NKAIN2: variants seen among roughly 807,000 people sequenced by gnomAD.
The protein encoded by NKAIN2 is sodium/potassium-transporting ATPase subunit beta-1-interacting protein 2.
In NKAIN2, 14 loss-of-function variants were observed where a neutral mutation model predicts 32.6. The ratio of observed to expected loss-of-function variants is 0.43; its 90% CI spans 0.28 to 0.67. NKAIN2 has a LOEUF of 0.67. NKAIN2 is among the 30% of genes least tolerant of loss of function. The pLI, the probability that NKAIN2 is intolerant of heterozygous loss-of-function variation, is 0.17. For synonymous variants in NKAIN2, 80 were observed against 87.2 expected, an observed-to-expected ratio of 0.92 and a Z score of 0.46; for missense variants, 198 against 258.3, an observed-to-expected ratio of 0.77 and a Z score of 1.60.
intron 3 of NKAIN2, among the ~76,000 whole-genome samples, chr6:124,419,565 T>G (rs1774652803): frequency 6.6e-6 from 1 of 152,148 alleles, no homozygotes; most frequent in Admixed American, 6.6e-5. Context: ...ATACAGTGTG[T>G]GTGAGGATAT....
At chr6:123,996,538 C>A (rs565107823) in intron 1 of NKAIN2, among the ~76,000 whole-genome samples, 1 of 152,006 alleles carries the variant, frequency 6.6e-6, no homozygotes, top group African/African-American at 2.4e-5. Flanking sequence ...ATTCTAACTT[C>A]AATACTGAAA....
At chr6:124,366,795 G>T (rs1319573533) in intron 3 of NKAIN2, among the ~76,000 whole-genome samples, 1 of 151,910 alleles carries the variant, frequency 6.6e-6, no homozygotes, top group African/African-American at 2.4e-5. Context: ...AGGCATGGTG[G>T]TTCACACCTG....
chr6:124,314,722 G>A (rs72963870), intron 2 of NKAIN2, among the ~76,000 whole-genome samples: 5,695 of 152,228 alleles, frequency 0.037, 105 homozygotes, highest in Non-Finnish European at 0.042. Flanking sequence ...TAGGACAAGG[G>A]CAATGCCCAG....
intron 1 of NKAIN2, among the ~76,000 whole-genome samples, chr6:124,004,825 C>T (rs567908639): frequency 1.1e-3 from 160 of 147,882 alleles, no homozygotes; most frequent in Non-Finnish European, 1.7e-3. Context: ...CAAACCTGCA[C>T]GTTGTGCACA....
rs544886281 is a variant in NKAIN2, at chr6:124,147,626, A to G, written c.55-135379A>G. ...TCTTCAACAAAAAAAAAGCCCACGA[A>G]AAAACAAAAACAAAAAAACTGAATT... On this transcript the variant is annotated intron_variant, in intron 1 of 6. Coordinates refer to ENST00000368417, the MANE Select transcript of NKAIN2 (RefSeq NM_001040214.3). Among the ~76,000 whole-genome samples, 79 of 152,246 alleles carry G rather than the reference A, an allele frequency of 5.2e-4. 2 individuals carry two copies. In the South Asian group the frequency reaches 0.016, roughly 32 times the overall value.
chr6:123,887,967 A>G (rs986395084), intron 1 of NKAIN2, among the ~76,000 whole-genome samples: 8 of 152,116 alleles, frequency 5.3e-5, no homozygotes, highest in African/African-American at 1.9e-4. Flanking sequence ...TTTGTTTTGT[A>G]CAATGATGAT....
chr6:124,109,102 G>T (rs1785249259), intron 1 of NKAIN2, among the ~76,000 whole-genome samples: 1 of 151,926 alleles, frequency 6.6e-6, no homozygotes, highest in African/African-American at 2.4e-5. Context: ...TATGCCATTG[G>T]AATTTTGATA....
chr6:123,953,368 G>A (rs142869612), intron 1 of NKAIN2, among the ~76,000 whole-genome samples: 11 of 152,216 alleles, frequency 7.2e-5, no homozygotes, highest in African/African-American at 1.7e-4. Flanking sequence ...CAGGTGGCTC[G>A]CTCAGATTTC....
At chr6:124,275,732 T>C (rs1470241162) in intron 1 of NKAIN2, among the ~76,000 whole-genome samples, 2 of 152,122 alleles carry the variant, frequency 1.3e-5, no homozygotes, top group African/African-American at 2.4e-5. Context: ...TAAGAAACAT[T>C]TGAACATCTC....
At chr6:124,191,168 C>CA (rs1380995336) in intron 1 of NKAIN2, among the ~76,000 whole-genome samples, 1 of 152,128 alleles carries the variant, frequency 6.6e-6, no homozygotes, top group Non-Finnish European at 1.5e-5. Context: ...TGCTGATTTA[C>CA]AAAAACGTTT....
Position 124,823,379 on chromosome 6 carries a change from GACACAC to G in NKAIN2, c.*165_*170del, listed in dbSNP as rs3831017. ...ATGCAAAGCCTCTACATACAACACT[GACACAC>G]ACACACACACACACGTGAGCACGCA... On this transcript the variant is annotated 3_prime_UTR_variant, in exon 7 of 7. Coordinates refer to ENST00000368417, the MANE Select transcript of NKAIN2 (RefSeq NM_001040214.3). 1.4e-4 allele frequency: 84 copies of G among 585,208 alleles called. No individual in the cohort carries two copies. The highest frequency in any genetic ancestry group is 1.8e-4 in the South Asian group (9 of 49,190). The allele number at this position is 585,208 out of a possible 1,614,324, so 36.3% of individuals were successfully genotyped here.
At chr6:124,795,259 T>C (rs977591472) in intron 5 of NKAIN2, among the ~76,000 whole-genome samples, 3 of 152,144 alleles carry the variant, frequency 2.0e-5, no homozygotes, top group African/African-American at 7.2e-5. Flanking sequence ...CAAAATGTTC[T>C]TTAAGTCAAC....
At chr6:124,495,342 C>A (rs1778023042) in intron 3 of NKAIN2, among the ~76,000 whole-genome samples, 1 of 152,140 alleles carries the variant, frequency 6.6e-6, no homozygotes, top group African/African-American at 2.4e-5. Context: ...TAAGCTTTTT[C>A]TAATCACAGT....
chr6:123,908,142 A>G (rs1774984084), intron 1 of NKAIN2, among the ~76,000 whole-genome samples: 1 of 152,176 alleles, frequency 6.6e-6, no homozygotes, highest in Non-Finnish European at 1.5e-5. Flanking sequence ...GCAACTTCAT[A>G]ATGAGTTTCC....
chr6:124,222,660 T>C (rs1791895648), intron 1 of NKAIN2, among the ~76,000 whole-genome samples: 1 of 151,982 alleles, frequency 6.6e-6, no homozygotes, highest in South Asian at 2.1e-4. Context: ...CACTCCCAAG[T>C]TGATAAGGTA....
intron 1 of NKAIN2, among the ~76,000 whole-genome samples, chr6:124,100,591 A>G (rs1332754102): frequency 2.0e-5 from 3 of 152,254 alleles, no homozygotes; most frequent in Non-Finnish European, 4.4e-5. Context: ...TTGTATCAAT[A>G]TTAATGTAAG....
At chr6:124,235,292 A>C (rs985467403) in intron 1 of NKAIN2, among the ~76,000 whole-genome samples, 4 of 152,164 alleles carry the variant, frequency 2.6e-5, no homozygotes, top group African/African-American at 7.2e-5. Context: ...TTACCTTCCA[A>C]AAGCTTTACA....
At chr6:124,314,799 G>T (rs1796874075) in intron 2 of NKAIN2, among the ~76,000 whole-genome samples, 1 of 152,120 alleles carries the variant, frequency 6.6e-6, no homozygotes, top group Non-Finnish European at 1.5e-5. Context: ...TGCCTAAAGA[G>T]GATATACAGA....
chr6:124,325,586 T>C (rs1188787942), intron 2 of NKAIN2, among the ~76,000 whole-genome samples: 1 of 152,144 alleles, frequency 6.6e-6, no homozygotes, highest in East Asian at 1.9e-4. Flanking sequence ...TACTGGCACA[T>C]GCAATAATAT....
Sources: allele counts gnomAD v4.1 joint callset (sites outside exome capture counted in the v4.1 genomes callset), GRCh38; gene constraint gnomAD v4.1.1; transcripts MANE v1.5; gene names NCBI Gene and HGNC (gene_info 2026-07-23, HGNC 2026-07-21).